MTMR1: variants seen among roughly 807,000 people sequenced by gnomAD.
The protein encoded by MTMR1 is myotubularin related protein 1, also known as phosphatidylinositol-3-phosphate phosphatase MTMR1.
A neutral mutation model predicts 51.6 loss-of-function variants in MTMR1; 17 were observed. The ratio of observed to expected loss-of-function variants is 0.33; its 90% CI spans 0.23 to 0.49. MTMR1 has a LOEUF of 0.49. MTMR1 is among the 20% of genes least tolerant of loss of function. MTMR1 has a pLI of 0.99. For missense variants in MTMR1, 386 were observed against 526.9 expected (o/e 0.73, Z 2.62); for synonymous variants, 201 against 205.6 (o/e 0.98, Z 0.19).
At chrX:150,714,669 T>G in intron 3 of MTMR1, 4 of 308,437 alleles carry the variant, frequency 1.3e-5, no homozygotes, top group Non-Finnish European at 2.2e-5. Context: ...CCAAATTTGG[T>G]AGATTCCATA....
chrX:150,746,091 C>T (rs1191837633), intron 13 of MTMR1, among the ~76,000 whole-genome samples: 4 of 112,271 alleles, frequency 3.6e-5, no homozygotes, highest in African/African-American at 1.3e-4. Context: ...GTGATGCCAT[C>T]GGGTCACAGA....
In MTMR1 at chrX:150,763,200, C is replaced by CAATTA. The variant is rs1557418165; in HGVS notation, c.*471_*472insAATTA. On this transcript the variant is annotated 3_prime_UTR_variant, in exon 16 of 16. Transcript: ENST00000445323. ...CAGTTTTCTTCATGCACGGGGTCCT[C>CAATTA]CTGTTAACAATTACTGTTGTGTACA... 1 of 117,804 alleles carries CAATTA rather than the reference C, an allele frequency of 8.5e-6. No individual in the cohort carries two copies. The highest frequency in any genetic ancestry group is 3.2e-5 in the African/African-American group (1 of 31,117). The allele number at this position is 117,804 out of a possible 1,213,427, so 9.7% of individuals were successfully genotyped here.
At chrX:150,734,440 C>G (rs2042206285) in intron 10 of MTMR1, among the ~76,000 whole-genome samples, 1 of 112,752 alleles carries the variant, frequency 8.9e-6, no homozygotes, top group African/African-American at 3.2e-5. Context: ...AGGGAGGCAT[C>G]CCTCAGTGAG....
intron 4 of MTMR1, 128 bp downstream of exon 4, chrX:150,718,828 A>T: frequency 1.7e-6 from 1 of 574,200 alleles, no homozygotes; most frequent in Non-Finnish European, 2.7e-6. Context: ...AATGGACTAG[A>T]TCTATTCATC....
At chrX:150,759,171 T>C (rs2042999728) in intron 15 of MTMR1, among the ~76,000 whole-genome samples, 1 of 112,692 alleles carries the variant, frequency 8.9e-6, no homozygotes, top group African/African-American at 3.2e-5. Flanking sequence ...CAAGCACTTC[T>C]TTCCAGTCAG....
At position 150,727,200 on chromosome X, in the gene MTMR1, G is replaced by A. The variant is rs782347705; in HGVS notation, c.353-15G>A. 3.8e-5 allele frequency: 44 copies of A among 1,149,416 alleles called. No individual in the cohort carries two copies. Among genetic ancestry groups the A allele is most frequent in the Non-Finnish European group, 4.7e-5 (40 of 844,874 alleles). 94.7% of individuals were successfully genotyped at this position (1,149,416 alleles called of 1,213,427 possible). ...GTCTATGGCAGTAGTTGCTACTTTGGCCTTTTTCTTTCAGTGAAAGATGTC... is the reference window on the plus strand; with the variant it reads ...GTCTATGGCAGTAGTTGCTACTTTGACCTTTTTCTTTCAGTGAAAGATGTC... On this transcript the variant is annotated splice_polypyrimidine_tract_variant and intron_variant, in intron 4 of 15. Coordinates refer to ENST00000445323, the MANE Select transcript of MTMR1 (RefSeq NM_001306144.3).
chrX:150,729,997 A>G, intron 6 of MTMR1, 112 bp from the exon 7 acceptor site: 1 of 426,796 alleles, frequency 2.3e-6, no homozygotes, highest in Non-Finnish European at 3.9e-6. Context: ...AGGATAAAGT[A>G]TAAAAGGAGA....
rs1557418143 is a variant in MTMR1 at position 150,763,010 on chromosome X, G to C, written c.*281G>C. On this transcript the variant is annotated 3_prime_UTR_variant, in exon 16 of 16. Coordinates refer to ENST00000445323, the MANE Select transcript of MTMR1 (RefSeq NM_001306144.3). ...GAATGCAGTACTGAGGTTCAAGAAA[G>C]CTGTACGCCATTTCTTTCCAACTTA... The C allele has an allele frequency of 4.0e-6, 1 of 250,305 alleles. No individual in the cohort carries two copies. Among genetic ancestry groups the C allele is most frequent in the African/African-American group, 2.8e-5 (1 of 35,397 alleles). The allele number at this position is 250,305 out of a possible 1,213,427, so 20.6% of individuals were successfully genotyped here.
intron 3 of MTMR1, among the ~76,000 whole-genome samples, chrX:150,715,472 T>A (rs1445874752): frequency 1.8e-5 from 2 of 112,504 alleles, no homozygotes; most frequent in African/African-American, 6.5e-5. Flanking sequence ...ATTTAGTTCA[T>A]AAGAATATTC....
chrX:150,740,055 C>T (rs186631315), intron 12 of MTMR1, among the ~76,000 whole-genome samples: 1 of 111,475 alleles, frequency 9.0e-6, no homozygotes, highest in Admixed American at 9.5e-5. Flanking sequence ...TGCCTCCATT[C>T]CCCCCTCTTC....
intron 9 of MTMR1, 77 bp downstream of exon 9, chrX:150,731,696 A>G: frequency 1.1e-6 from 1 of 931,494 alleles, no homozygotes; most frequent in Non-Finnish European, 1.4e-6. Flanking sequence ...AAGACAAAAA[A>G]GAAACTAGTG....
rs2040813694 is a variant in MTMR1, at chrX:150,699,164, A to G, written c.147-31A>G. On this transcript the variant is annotated intron_variant, in intron 1 of 15. Coordinates refer to ENST00000445323, the MANE Select transcript of MTMR1 (RefSeq NM_001306144.3). ...TTTTTTCACTGAGATCCTATGATATAACGTTTTGTAATCCATGCTATTTTT... is the reference window on the plus strand; with the variant it reads ...TTTTTTCACTGAGATCCTATGATATGACGTTTTGTAATCCATGCTATTTTT... 6.0e-6 allele frequency: 6 copies of G among 1,000,220 alleles called. No individual in the cohort carries two copies. In the South Asian group the frequency reaches 1.3e-4, roughly 22 times the overall value. The allele number at this position is 1,000,220 out of a possible 1,213,427, so 82.4% of individuals were successfully genotyped here.
intron 1 of MTMR1, among the ~76,000 whole-genome samples, chrX:150,694,428 C>T (rs1487777131): frequency 3.6e-5 from 4 of 111,593 alleles, no homozygotes; most frequent in East Asian, 5.6e-4. Context: ...GATGGCCTAT[C>T]GTGTAACCCG....
At chrX:150,710,899 G>A (rs923670908) in intron 2 of MTMR1, among the ~76,000 whole-genome samples, 2 of 111,996 alleles carry the variant, frequency 1.8e-5, no homozygotes, top group African/African-American at 6.5e-5. Context: ...CTTTAAAGTT[G>A]ACAAATCAAG....
intron 9 of MTMR1, among the ~76,000 whole-genome samples, chrX:150,731,824 A>G (rs1392638834): frequency 1.8e-5 from 2 of 112,131 alleles, no homozygotes; most frequent in Admixed American, 1.9e-4. Context: ...ACGATTTCCT[A>G]TAACTAAGTA....
intron 3 of MTMR1, among the ~76,000 whole-genome samples, chrX:150,717,072 A>AG (rs2041548013): frequency 1.8e-5 from 2 of 110,960 alleles, no homozygotes; most frequent in Non-Finnish European, 3.8e-5. Context: ...TAAAAAAAGC[A>AG]AATGAGGCCG....
At chrX:150,755,455 C>T (rs1818681524) in intron 14 of MTMR1, among the ~76,000 whole-genome samples, 1 of 111,776 alleles carries the variant, frequency 8.9e-6, no homozygotes, top group African/African-American at 3.3e-5. Context: ...ACACAGTTGT[C>T]GGATGCTACC....
chrX:150,738,977 G>A (rs1405633054), intron 12 of MTMR1, among the ~76,000 whole-genome samples: 1 of 112,366 alleles, frequency 8.9e-6, no homozygotes, highest in Non-Finnish European at 1.9e-5. Context: ...CCATTGAGCT[G>A]TTAGGGATCT....
chrX:150,712,671 T>G (rs782508213), intron 3 of MTMR1: 14 of 269,547 alleles, frequency 5.2e-5, no homozygotes, highest in African/African-American at 4.0e-4. Context: ...ACTGGGGTTA[T>G]AAGGCTGGGG....
Sources: gnomAD v4.1 joint callset for allele counts (sites outside exome capture counted in the v4.1 genomes callset) on GRCh38, gnomAD v4.1.1 for gene constraint, MANE v1.5 for transcripts, NCBI Gene and HGNC (gene_info 2026-07-23, HGNC 2026-07-21) for gene names.